The following PITPNA variants were observed in gnomAD, a reference collection of about 807,000 sequenced individuals.
PITPNA encodes the protein phosphatidylinositol transfer protein alpha, also known as phosphatidylinositol transfer protein alpha isoform.
Under a neutral mutation model 50.3 loss-of-function variants are expected in PITPNA, and 13 were observed. That is an observed-to-expected ratio of 0.26 (90% confidence interval 0.17 to 0.41). The LOEUF (loss-of-function observed/expected upper bound fraction) is 0.41. Among genes scored for constraint, PITPNA ranks in the 10% least tolerant of loss-of-function variants. The pLI, the probability that PITPNA is intolerant of heterozygous loss-of-function variation, is 1.00. For missense variants in PITPNA, 207 were observed against 333.4 expected (o/e 0.62, Z 2.95); for synonymous variants, 120 against 119.6 (o/e 1.00, Z -0.02).
At chr17:1,532,365 G>A (rs1030435661) in intron 10 of PITPNA, among the ~76,000 whole-genome samples, 4 of 152,172 alleles carry the variant, frequency 2.6e-5, no homozygotes, top group Admixed American at 1.3e-4. Flanking sequence ...GGGATTACAG[G>A]TGTGAGCCAC....
chr17:1,556,027 TG>T, intron 2 of PITPNA, among the ~76,000 whole-genome samples: 1 of 152,338 alleles, frequency 6.6e-6, no homozygotes, highest in East Asian at 1.9e-4. Context: ...CCTCAAGTCA[TG>T]GCCTCCAATT....
chr17:1,541,872 T>G, intron 5 of PITPNA: 2 of 623,796 alleles, frequency 3.2e-6, no homozygotes, highest in South Asian at 3.0e-5. Flanking sequence ...ATTTTACAGA[T>G]GAGGTTCAAA....
chr17:1,544,325 T>C (rs1405558718), intron 4 of PITPNA, among the ~76,000 whole-genome samples: 1 of 152,238 alleles, frequency 6.6e-6, no homozygotes, highest in Non-Finnish European at 1.5e-5. Context: ...ATTCTGCGTT[T>C]TAGTGTAACT....
intron 3 of PITPNA, among the ~76,000 whole-genome samples, chr17:1,550,873 C>T (rs2075704628): frequency 6.6e-6 from 1 of 152,212 alleles, no homozygotes; most frequent in African/African-American, 2.4e-5. Flanking sequence ...GTGCGGAGAA[C>T]TGAAAGGCAG....
rs775579892 is a variant in PITPNA at position 1,535,459 on chromosome 17, G to C, written c.516C>G (p.Pro172=). 5.8e-5 allele frequency: 93 copies of C among 1,613,176 alleles called. No individual in the cohort carries two copies. Among genetic ancestry groups the C allele is most frequent in the Non-Finnish European group, 7.3e-5 (86 of 1,179,308 alleles). ...KFKSIKTGRG[P]LGPNWKQELV... ...ATGGTACCTTCCAATTGGGGCCCAA[G>C]GGTCCTCGGCCTGTTTTGATAGATT... The change falls in exon 8 of 12, where the codon CCC becomes CCG. Residue 172 remains proline (P), a synonymous_variant. Coordinates refer to ENST00000313486, the MANE Select transcript of PITPNA (RefSeq NM_006224.4).
intron 7 of PITPNA, among the ~76,000 whole-genome samples, chr17:1,538,107 A>G (rs79517115): frequency 0.02 from 3,111 of 152,232 alleles, 135 homozygotes; most frequent in African/African-American, 0.071. Flanking sequence ...GCCCCAAAAT[A>G]TCTTAAGTGC....
At chr17:1,525,376 T>C (rs1208419803) in intron 10 of PITPNA, among the ~76,000 whole-genome samples, 1 of 152,160 alleles carries the variant, frequency 6.6e-6, no homozygotes, top group Non-Finnish European at 1.5e-5. Context: ...GAGATGTGTA[T>C]AGAAGCTCTG....
rs758817985 is a variant in PITPNA, at chr17:1,546,593, G to A, written c.289+1703C>T. On this transcript the variant is annotated intron_variant, in intron 4 of 11. Coordinates refer to ENST00000313486, the MANE Select transcript of PITPNA (RefSeq NM_006224.4). ...CAGCAGAGGCTGGTGGGAGGACCCC[G>A]CAGCCCAACACTGTCTGTACCCACA... Among the ~76,000 whole-genome samples, 10 of 152,122 alleles carry A rather than the reference G, an allele frequency of 6.6e-5. No homozygotes were observed. The East Asian group carries it at 7.7e-4, about 12-fold the overall frequency.
rs1178276917 is a variant in PITPNA, at chr17:1,535,537, T to G, written c.457-19A>C. Reference sequence around the variant, plus strand: ...TGTAATCCTGAGAGAAATTGTGGAATTGGGGTTGGAGGGGAGTGGGAGAGG... The same window carrying G: ...TGTAATCCTGAGAGAAATTGTGGAAGTGGGGTTGGAGGGGAGTGGGAGAGG... On this transcript the variant is annotated intron_variant, in intron 7 of 11. Transcript: ENST00000313486. 3 of 1,575,948 alleles carry G rather than the reference T, an allele frequency of 1.9e-6. No homozygotes were observed. In the African/African-American group the frequency reaches 4.0e-5, roughly 21 times the overall value.
chr17:1,547,207 A>G (rs2075679492), intron 4 of PITPNA, among the ~76,000 whole-genome samples: 1 of 151,684 alleles, frequency 6.6e-6, no homozygotes, highest in South Asian at 2.1e-4. Flanking sequence ...AAAAAAAAAA[A>G]AAAAAAAACC....
chr17:1,562,590 GC>G lies in PITPNA; in HGVS notation c.-31del. On this transcript the variant is annotated 5_prime_UTR_variant, in exon 1 of 12. Transcript: ENST00000313486. This position sits in a 1 kb window ranked among gnomAD's most constrained non-coding sequence, Gnocchi z 6.4. ...CTTCGCGGCTCGGTGGCTGCCCGCGGCCCGCCCGGCCTCCCGCCCGCTGCCC... is the reference window on the plus strand; with the variant it reads ...CTTCGCGGCTCGGTGGCTGCCCGCGGCCGCCCGGCCTCCCGCCCGCTGCCC... 7.9e-7 allele frequency: 1 copy of G among 1,265,228 alleles called. No homozygotes were observed. 78.4% of individuals were successfully genotyped at this position (1,265,228 alleles called of 1,614,324 possible). A position where few individuals can be genotyped will look rare whatever the true frequency, so the allele number is the denominator to read the frequency against.
chr17:1,531,151 C>T (rs956626517), intron 10 of PITPNA, among the ~76,000 whole-genome samples: 1 of 152,062 alleles, frequency 6.6e-6, no homozygotes, highest in East Asian at 1.9e-4. Context: ...CAGAATACGA[C>T]GGAATTAAAG....
At position 1,528,877 on chromosome 17, in the gene PITPNA, C is replaced by T. The variant is rs1452336563; in HGVS notation, c.768+5222G>A. Among the ~76,000 whole-genome samples, 3 of 152,192 alleles carry T rather than the reference C, an allele frequency of 2.0e-5. No individual in the cohort carries two copies. The East Asian group carries it at 5.8e-4, about 29-fold the overall frequency. The stretch of plus-strand genomic sequence containing the variant: ...GAGTGGCTGGGCATGGTGGCTCACA[C>T]CTGTAATCCCAACACTTTGGGAGGC... On this transcript the variant is annotated intron_variant, in intron 10 of 11. Transcript: ENST00000313486.
At chr17:1,532,294 G>A (rs547363605) in intron 10 of PITPNA, among the ~76,000 whole-genome samples, 5 of 152,108 alleles carry the variant, frequency 3.3e-5, no homozygotes, top group East Asian at 3.9e-4. Flanking sequence ...TCACCATGTT[G>A]GCCAAGTTGG....
intron 4 of PITPNA, among the ~76,000 whole-genome samples, chr17:1,548,052 A>G (rs1011611961): frequency 7.2e-5 from 11 of 152,342 alleles, no homozygotes; most frequent in African/African-American, 2.6e-4. Context: ...TGTTATAATG[A>G]ATAACAATAA....
intron 10 of PITPNA, among the ~76,000 whole-genome samples, chr17:1,529,875 A>G (rs2151004051): frequency 6.6e-6 from 1 of 152,158 alleles, no homozygotes; most frequent in South Asian, 2.1e-4. Context: ...AAAAAAAAGA[A>G]AACAAGTTTT....
At chr17:1,556,673 C>A (rs569117035) in intron 2 of PITPNA, among the ~76,000 whole-genome samples, 1 of 152,174 alleles carries the variant, frequency 6.6e-6, no homozygotes, top group Non-Finnish European at 1.5e-5. Context: ...TCCTAACGAT[C>A]GGGGTGGGAT....
At position 1,562,590 on chromosome 17, in the gene PITPNA, G is replaced by A; in HGVS notation, c.-30C>T. The A allele has an allele frequency of 1.6e-6, 2 of 1,265,226 alleles. No individual in the cohort carries two copies. The highest frequency in any genetic ancestry group is 2.0e-6 in the Non-Finnish European group (2 of 1,001,180). 78.4% of individuals were successfully genotyped at this position (1,265,226 alleles called of 1,614,324 possible). On this transcript the variant is annotated 5_prime_UTR_variant, in exon 1 of 12. Transcript: ENST00000313486. This position sits in a 1 kb window ranked among gnomAD's most constrained non-coding sequence, Gnocchi z 6.4. ...CTTCGCGGCTCGGTGGCTGCCCGCG[G>A]CCCGCCCGGCCTCCCGCCCGCTGCC...
In PITPNA at chr17:1,529,265, G is replaced by A. The variant is rs141863289; in HGVS notation, c.768+4834C>T. Among the ~76,000 whole-genome samples the A allele has an allele frequency of 1.2e-3, 180 of 152,024 alleles. 3 individuals are homozygous for A. The East Asian group carries it at 0.032, about 27-fold the overall frequency. ...AGGCTGGGCATGGTGGCTCATGCCT[G>A]TAATCCCAGCACTTTGGGAGGCCGA... On this transcript the variant is annotated intron_variant, in intron 10 of 11. Transcript: ENST00000313486.
Sources: allele counts gnomAD v4.1 joint callset (sites outside exome capture counted in the v4.1 genomes callset), GRCh38; gene constraint gnomAD v4.1.1; non-coding constraint Gnocchi (gnomAD v3.1); transcripts MANE v1.5; gene names NCBI Gene and HGNC (gene_info 2026-07-23, HGNC 2026-07-21).